SH3BGR: variants seen among roughly 807,000 people sequenced by gnomAD.
The protein encoded by SH3BGR is SH3 domain binding glutamate rich protein.
A neutral mutation model predicts 24.5 loss-of-function variants in SH3BGR; 29 were observed. The ratio of observed to expected loss-of-function variants is 1.18; its 90% CI spans 0.88 to 1.61. The LOEUF (loss-of-function observed/expected upper bound fraction) is 1.61. SH3BGR is among the 40% of genes most tolerant of loss of function. The pLI is 0.00. For synonymous variants in SH3BGR, 55 were observed against 65.7 expected, an observed-to-expected ratio of 0.84 and a Z score of 0.79; for missense variants, 162 against 205.8, an observed-to-expected ratio of 0.79 and a Z score of 1.30.
chr21:39,474,123 G>A (rs1390396713), intron 2 of SH3BGR, among the ~76,000 whole-genome samples: 1 of 151,806 alleles, frequency 6.6e-6, no homozygotes, highest in African/African-American at 2.4e-5. Flanking sequence ...GTGTGCCACC[G>A]TGCCCGGCTA....
upstream of SH3BGR, among the ~76,000 whole-genome samples, chr21:39,448,472 A>T (rs1168886667): frequency 6.6e-6 from 1 of 152,180 alleles, no homozygotes; most frequent in African/African-American, 2.4e-5. Context: ...ATCAAAATTA[A>T]TCAAATCAAA....
intron 3 of SH3BGR, among the ~76,000 whole-genome samples, chr21:39,495,443 C>A (rs1219387544): frequency 6.6e-6 from 1 of 151,560 alleles, no homozygotes; most frequent in Non-Finnish European, 1.5e-5. Context: ...TCAGTTGTAC[C>A]AAGATCAATC....
chr21:39,498,298 C>T (rs1375137228), intron 3 of SH3BGR, among the ~76,000 whole-genome samples: 4 of 152,106 alleles, frequency 2.6e-5, no homozygotes, highest in Non-Finnish European at 5.9e-5. Flanking sequence ...GTGTGTGTGG[C>T]TTAATTTGCT....
chr21:39,505,070 C>A (rs115651713), intron 4 of SH3BGR, among the ~76,000 whole-genome samples: 3,442 of 152,324 alleles, frequency 0.023, 141 homozygotes, highest in African/African-American at 0.079. Context: ...TCCTCAGCCT[C>A]CTAAAGTGTT....
At chr21:39,489,079 C>T (rs928274967) in intron 3 of SH3BGR, among the ~76,000 whole-genome samples, 28 of 152,254 alleles carry the variant, frequency 1.8e-4, no homozygotes, top group African/African-American at 6.7e-4. Flanking sequence ...TAAAATAAAA[C>T]ACAAAGAAAT....
At chr21:39,496,315 A>G (rs1246313016) in intron 3 of SH3BGR, among the ~76,000 whole-genome samples, 4 of 151,952 alleles carry the variant, frequency 2.6e-5, no homozygotes, top group African/African-American at 4.8e-5. Flanking sequence ...CCTGGCTAAC[A>G]AGGTGAAACC....
chr21:39,497,942 G>T (rs1166528924), intron 3 of SH3BGR, among the ~76,000 whole-genome samples: 1 of 152,156 alleles, frequency 6.6e-6, no homozygotes. Context: ...ATTTTATTCA[G>T]TTTAGTACAG....
Position 39,452,121 on chromosome 21 carries a change from A to G in SH3BGR, c.25A>G (p.Thr9Ala), listed in dbSNP as rs1373581734. The stretch of plus-strand genomic sequence containing the variant: ...AATGGTTATCAAAGTGTTTGTTGCT[A>G]CATCTTCTGGGTCCATAGCGGTAGG... MVIKVFVATSSGSIAIRKK... is the reference protein window; with the variant it reads MVIKVFVAASSGSIAIRKK... Residue 9 changes from threonine to alanine, a missense_variant, in exon 1 of 7, where the codon ACA becomes GCA. Thr to Ala is a moderately conservative substitution (Grantham distance 58, BLOSUM62 0). Coordinates refer to ENST00000333634, the MANE Select transcript of SH3BGR (RefSeq NM_007341.3). The G allele has an allele frequency of 1.2e-6, 2 of 1,614,108 alleles. No homozygotes were observed. Among genetic ancestry groups the G allele is most frequent in the Admixed American group, 1.7e-5 (1 of 60,018 alleles).
chr21:39,484,349 A>G (rs182275509), intron 3 of SH3BGR, among the ~76,000 whole-genome samples: 1 of 152,356 alleles, frequency 6.6e-6, no homozygotes, highest in East Asian at 1.9e-4. Flanking sequence ...TACCAAAGTC[A>G]ATGAAACACT....
chr21:39,459,984 A>T (rs1569151085), intron 1 of SH3BGR, among the ~76,000 whole-genome samples: 10 of 152,224 alleles, frequency 6.6e-5, no homozygotes, highest in Admixed American at 6.5e-4. Flanking sequence ...TCAGGAGTGA[A>T]TTCTTTGAAG....
intron 3 of SH3BGR, among the ~76,000 whole-genome samples, chr21:39,485,944 T>A (rs2078206080): frequency 6.6e-6 from 1 of 152,184 alleles, no homozygotes; most frequent in African/African-American, 2.4e-5. Flanking sequence ...CGCCTCGGCC[T>A]CCCAAAGTGC....
At chr21:39,509,053 G>A in intron 5 of SH3BGR, 26 bp downstream of exon 5, 4 of 1,587,394 alleles carry the variant, frequency 2.5e-6, no homozygotes. Context: ...TTTAACAGCT[G>A]TGCTTAATCT....
In SH3BGR at chr21:39,515,137, C is replaced by T. The variant is rs1398345390; in HGVS notation, c.*84C>T. 2 of 470,640 alleles carry T rather than the reference C, an allele frequency of 4.2e-6. No individual in the cohort carries two copies. The highest frequency in any genetic ancestry group is 4.0e-5 in the African/African-American group (2 of 50,076). The allele number at this position is 470,640 out of a possible 1,614,324, so 29.2% of individuals were successfully genotyped here. On this transcript the variant is annotated 3_prime_UTR_variant, in exon 7 of 7. Coordinates refer to ENST00000333634, the MANE Select transcript of SH3BGR (RefSeq NM_007341.3). Reference sequence around the variant, plus strand: ...TTCAAATGTCTCTCCACAAACCAAACTCAACAGAATACTTTGGCTTGAAGC... The same window carrying T: ...TTCAAATGTCTCTCCACAAACCAAATTCAACAGAATACTTTGGCTTGAAGC...
At chr21:39,513,452 G>A (rs62222775) in intron 6 of SH3BGR, among the ~76,000 whole-genome samples, 1 of 152,160 alleles carries the variant, frequency 6.6e-6, no homozygotes, top group African/African-American at 2.4e-5. Flanking sequence ...GATATAAAAA[G>A]CACTTAATCT....
At chr21:39,470,897 T>C (rs1459557450) in intron 2 of SH3BGR, among the ~76,000 whole-genome samples, 1 of 152,204 alleles carries the variant, frequency 6.6e-6, no homozygotes, top group Non-Finnish European at 1.5e-5. Context: ...ACAATGTCTT[T>C]CTTTCACCTT....
At chr21:39,465,464 G>T (rs2077825585) in intron 2 of SH3BGR, among the ~76,000 whole-genome samples, 1 of 152,174 alleles carries the variant, frequency 6.6e-6, no homozygotes, top group Non-Finnish European at 1.5e-5. Flanking sequence ...GTTTGGGTTT[G>T]CAGAAATTTT....
chr21:39,451,724 T>C (rs1028292680), upstream of SH3BGR: 5 of 758,368 alleles, frequency 6.6e-6, no homozygotes, highest in South Asian at 1.8e-5. Context: ...CCCACCTCCC[T>C]TGGCCCCAAG....
At chr21:39,459,433 C>T (rs1420995598) in intron 1 of SH3BGR, among the ~76,000 whole-genome samples, 3 of 152,148 alleles carry the variant, frequency 2.0e-5, no homozygotes, top group Non-Finnish European at 4.4e-5. Flanking sequence ...CCATGTTGGC[C>T]AGGATAGTCT....
rs1000111115 is a variant in SH3BGR, at chr21:39,507,678, T to C, written c.406-1320T>C. ...ATTTTACTTTATAGACAAGGTCTTA[T>C]TTTGTCACCCACGCTGGAGTGCAGT... On this transcript the variant is annotated intron_variant, in intron 4 of 6. Transcript: ENST00000333634. 4.6e-5 allele frequency among the ~76,000 whole-genome samples: 7 copies of C among 152,164 alleles called. No individual in the cohort carries two copies. The East Asian group carries it at 1.4e-3, about 29-fold the overall frequency.
Sources: allele counts gnomAD v4.1 joint callset (sites outside exome capture counted in the v4.1 genomes callset), GRCh38; gene constraint gnomAD v4.1.1; transcripts MANE v1.5; gene names NCBI Gene and HGNC (gene_info 2026-07-23, HGNC 2026-07-21).